Variants in SDK1 observed in about 807,000 individuals in gnomAD.
SDK1 encodes the protein protein sidekick-1.
SDK1 carries 157 observed loss-of-function variants against 245.5 expected under a neutral mutation model. That is an observed-to-expected ratio of 0.64 (90% CI 0.56 to 0.73). SDK1 has a LOEUF of 0.73. Among genes scored for constraint, SDK1 ranks in the 30% least tolerant of loss-of-function variants. SDK1 has a pLI of 0.00. For missense variants in SDK1, 3,583 were observed against 3,002.3 expected (o/e 1.19, Z -4.52); for synonymous variants, 1,647 against 1,278.5 (o/e 1.29, Z -6.15).
rs770333567 is a variant in SDK1 at position 4,002,353 on chromosome 7, CTG to C, written c.2132-8609_2132-8608del. On this transcript the variant is annotated intron_variant, in intron 14 of 44. Coordinates refer to ENST00000404826, the MANE Select transcript of SDK1 (RefSeq NM_152744.4). ...TTCTTTGTTGTCTGGGCTTTCAAAA[CTG>C]TGTTATTTCTGTTCATGTGACGACA... 3.3e-5 allele frequency among the ~76,000 whole-genome samples: 5 copies of C among 152,166 alleles called. No individual in the cohort carries two copies. The East Asian group carries it at 5.8e-4, about 18-fold the overall frequency.
intron 22 of SDK1, among the ~76,000 whole-genome samples, chr7:4,093,916 A>G (rs1238401081): frequency 6.6e-6 from 1 of 152,126 alleles, no homozygotes; most frequent in Non-Finnish European, 1.5e-5. Context: ...GCCTCTTGCG[A>G]TACACCTCTC....
intron 22 of SDK1, among the ~76,000 whole-genome samples, chr7:4,080,295 G>A (rs1026453275): frequency 9.2e-5 from 14 of 152,094 alleles, no homozygotes; most frequent in African/African-American, 2.2e-4. Flanking sequence ...GCAGGGGTCC[G>A]GGACAGTGCC....
At chr7:3,958,604 A>G (rs1454335485) in intron 7 of SDK1, among the ~76,000 whole-genome samples, 2 of 152,246 alleles carry the variant, frequency 1.3e-5, no homozygotes, top group Admixed American at 1.3e-4. Context: ...GAAGCAAACT[A>G]GCCCATAAAA....
intron 1 of SDK1, among the ~76,000 whole-genome samples, chr7:3,333,617 C>A (rs187580573): frequency 8.5e-5 from 13 of 152,244 alleles, no homozygotes; most frequent in African/African-American, 3.1e-4. Context: ...ATCTGCCCTA[C>A]CATGCATACC....
chr7:4,171,718 A>C (rs1781848681), intron 32 of SDK1, among the ~76,000 whole-genome samples: 1 of 152,214 alleles, frequency 6.6e-6, no homozygotes, highest in African/African-American at 2.4e-5. Flanking sequence ...CCTCCCAGAT[A>C]ATAGCCCAAC....
intron 1 of SDK1, among the ~76,000 whole-genome samples, chr7:3,323,894 C>G (rs188902615): frequency 2.1e-3 from 313 of 152,304 alleles, no homozygotes; most frequent in Non-Finnish European, 3.6e-3. Flanking sequence ...GGTAAAGGTT[C>G]TTCTTCAGCC....
intron 1 of SDK1, among the ~76,000 whole-genome samples, chr7:3,320,030 G>A (rs1179623985): frequency 1.3e-5 from 2 of 151,846 alleles, no homozygotes; most frequent in Non-Finnish European, 2.9e-5. Context: ...GGGATATGAT[G>A]AGGCAGAATC....
At chr7:3,891,752 A>G (rs1049411055) in intron 5 of SDK1, among the ~76,000 whole-genome samples, 1 of 152,130 alleles carries the variant, frequency 6.6e-6, no homozygotes, top group African/African-American at 2.4e-5. Flanking sequence ...AGAGCCAATG[A>G]TTGCATCTTT....
intron 2 of SDK1, among the ~76,000 whole-genome samples, chr7:3,632,954 A>G (rs373775110): frequency 6.6e-6 from 1 of 152,346 alleles, no homozygotes; most frequent in African/African-American, 2.4e-5. Context: ...TTTAAATTTC[A>G]TGTAGAAAAC....
At chr7:4,083,893 G>T (rs968103483) in intron 22 of SDK1, among the ~76,000 whole-genome samples, 1 of 151,204 alleles carries the variant, frequency 6.6e-6, no homozygotes, top group African/African-American at 2.4e-5. Context: ...ACAGCAGGGT[G>T]GGGGCACGTA....
rs1292199670 is a variant in SDK1 at position 3,418,145 on chromosome 7, G to GCAAAAAAAAAAAAAAAAAA, written c.298+116261_298+116262insCAAAAAAAAAAAAAAAAAA. On this transcript the variant is annotated intron_variant, in intron 1 of 44. Transcript: ENST00000404826. ...GTGAAACCCGATCTCTACTAAAAAT[G>GCAAAAAAAAAAAAAAAAAA]AAAAAAAAAAAAAAAAAAAAAAATA... Among the ~76,000 whole-genome samples, 52 of 119,714 alleles carry GCAAAAAAAAAAAAAAAAAA rather than the reference G, an allele frequency of 4.3e-4. 5 individuals are homozygous for GCAAAAAAAAAAAAAAAAAA. Among genetic ancestry groups the GCAAAAAAAAAAAAAAAAAA allele is most frequent in the African/African-American group, 1.9e-3 (49 of 25,774 alleles). 78.5% of individuals were successfully genotyped at this position (119,714 alleles called of 152,430 possible).
chr7:3,552,997 C>T (rs1779464362), intron 1 of SDK1, among the ~76,000 whole-genome samples: 1 of 151,704 alleles, frequency 6.6e-6, no homozygotes, highest in Non-Finnish European at 1.5e-5. Flanking sequence ...AAACTAAAAC[C>T]TATTAGTTGA....
In SDK1 at chr7:4,026,304, G is replaced by A. The variant is rs1447903416; in HGVS notation, c.2602+8952G>A. On this transcript the variant is annotated intron_variant, in intron 17 of 44. Coordinates refer to ENST00000404826, the MANE Select transcript of SDK1 (RefSeq NM_152744.4). This position sits in a 1 kb window ranked among gnomAD's most constrained non-coding sequence, Gnocchi z 4.1. ...CAAGTCGGCAGGAGCCCAAGCGAGTGGCCAGAGCTTCCACCCTCGGTGGCC... is the reference window on the plus strand; with the variant it reads ...CAAGTCGGCAGGAGCCCAAGCGAGTAGCCAGAGCTTCCACCCTCGGTGGCC... Among the ~76,000 whole-genome samples the A allele has an allele frequency of 6.6e-6, 1 of 152,266 alleles. No homozygotes were observed. Among genetic ancestry groups the A allele is most frequent in the African/African-American group, 2.4e-5 (1 of 41,474 alleles).
chr7:3,365,908 G>C (rs1175489265), intron 1 of SDK1, among the ~76,000 whole-genome samples: 1 of 152,066 alleles, frequency 6.6e-6, no homozygotes, highest in Non-Finnish European at 1.5e-5. Context: ...GCGTGGTGGC[G>C]GGCACCGGTA....
At chr7:4,223,041 C>T (rs1406098335) in intron 40 of SDK1, among the ~76,000 whole-genome samples, 1 of 151,540 alleles carries the variant, frequency 6.6e-6, no homozygotes, top group Non-Finnish European at 1.5e-5. Context: ...CGATTTCTTC[C>T]TCAACTCTTC....
chr7:3,580,183 G>A (rs1465684506), intron 1 of SDK1, among the ~76,000 whole-genome samples: 1 of 152,144 alleles, frequency 6.6e-6, no homozygotes, highest in African/African-American at 2.4e-5. Context: ...GTCATGGTTA[G>A]GAAGAATCAG....
intron 4 of SDK1, among the ~76,000 whole-genome samples, chr7:3,707,989 A>G (rs1383374004): frequency 1.3e-5 from 2 of 152,146 alleles, no homozygotes; most frequent in Non-Finnish European, 2.9e-5. Context: ...CCTGAGACTG[A>G]GTAATTTATT....
At chr7:3,636,009 T>A (rs1306648880) in intron 2 of SDK1, among the ~76,000 whole-genome samples, 1 of 152,250 alleles carries the variant, frequency 6.6e-6, no homozygotes, top group Non-Finnish European at 1.5e-5. Context: ...TGTTCAAATA[T>A]GATGTACCTT....
intron 14 of SDK1, among the ~76,000 whole-genome samples, chr7:3,991,180 A>G (rs1044869680): frequency 2.6e-5 from 4 of 152,242 alleles, no homozygotes; most frequent in Non-Finnish European, 4.4e-5. Context: ...GACCTGGGCC[A>G]GACGGGCGAC....
Sources: allele counts gnomAD v4.1 joint callset (sites outside exome capture counted in the v4.1 genomes callset), GRCh38; gene constraint gnomAD v4.1.1; non-coding constraint Gnocchi (gnomAD v3.1); transcripts MANE v1.5; gene names NCBI Gene and HGNC (gene_info 2026-07-23, HGNC 2026-07-21).